The following RNF43 variants were observed in gnomAD, a reference collection of about 807,000 sequenced individuals.
RNF43 encodes the protein ring finger protein 43.
RNF43 carries 37 observed loss-of-function variants against 78.4 expected under a neutral mutation model. The observed-to-expected ratio is 0.47, with a 90% CI of 0.36 to 0.62. The LOEUF (loss-of-function observed/expected upper bound fraction) is 0.62. RNF43 is among the 20% of genes least tolerant of loss of function. The pLI, the probability that RNF43 is intolerant of heterozygous loss-of-function variation, is 0.00. For missense variants in RNF43, 774 were observed against 1,007.9 expected (o/e 0.77, Z 3.14); for synonymous variants, 347 against 395.0 (o/e 0.88, Z 1.44).
At chr17:58,381,010 G>A (rs1973304213) in intron 2 of RNF43, among the ~76,000 whole-genome samples, 1 of 152,236 alleles carries the variant, frequency 6.6e-6, no homozygotes, top group African/African-American at 2.4e-5. Flanking sequence ...GGGATGGAAT[G>A]AAGCTATGAA....
intron 2 of RNF43, among the ~76,000 whole-genome samples, chr17:58,376,226 AG>A (rs1377876565): frequency 1.3e-5 from 2 of 152,240 alleles, no homozygotes; most frequent in East Asian, 3.8e-4. Flanking sequence ...TGTGGTGGCC[AG>A]CATGGATGAA....
At position 58,354,606 on chromosome 17, in the gene RNF43, TG is replaced by T. The variant is rs1477266815; in HGVS notation, c.*336del. The T allele has an allele frequency of 7.1e-6, 3 of 420,710 alleles. No homozygotes were observed. Among genetic ancestry groups the T allele is most frequent in the Non-Finnish European group, 1.3e-5 (3 of 222,880 alleles). 26.1% of individuals were successfully genotyped at this position (420,710 alleles called of 1,614,324 possible). A position where few individuals can be genotyped will look rare whatever the true frequency, so the allele number is the denominator to read the frequency against. ...GGGGTTGGAGAAGGAGCAGCACCTTTGTAACACCTGGCTACCCATAGCTAGC... is the reference window on the plus strand; with the variant it reads ...GGGGTTGGAGAAGGAGCAGCACCTTTTAACACCTGGCTACCCATAGCTAGC... On this transcript the variant is annotated 3_prime_UTR_variant, in exon 10 of 10. Transcript: ENST00000407977.
chr17:58,371,474 T>C (rs1351806894), intron 2 of RNF43, among the ~76,000 whole-genome samples: 3 of 152,242 alleles, frequency 2.0e-5, no homozygotes, highest in African/African-American at 7.2e-5. Flanking sequence ...AGAATGCCCA[T>C]GGGCAGTGCT....
Position 58,354,416 on chromosome 17 carries a change from GA to G in RNF43, c.*526del. On this transcript the variant is annotated 3_prime_UTR_variant, in exon 10 of 10. Transcript: ENST00000407977. ...GCTACTGGTCCTTTTGGCAAAAAAG[GA>G]AAATGATAGAGCCAGGGTTGCCCCT... 4.3e-6 allele frequency: 1 copy of G among 232,776 alleles called. No homozygotes were observed. 14.4% of individuals were successfully genotyped at this position (232,776 alleles called of 1,614,324 possible). A position where few individuals can be genotyped will look rare whatever the true frequency, so the allele number is the denominator to read the frequency against.
At chr17:58,389,510 A>C (rs1262303226) in intron 2 of RNF43, among the ~76,000 whole-genome samples, 1 of 152,216 alleles carries the variant, frequency 6.6e-6, no homozygotes, top group East Asian at 1.9e-4. Flanking sequence ...CTAACCGTTG[A>C]TCAACAGGGA....
At position 58,358,095 on chromosome 17, in the gene RNF43, G is replaced by A. The variant is rs756000629; in HGVS notation, c.1681C>T (p.Arg561Trp). Residue 561 changes from arginine to tryptophan, a missense_variant, in exon 9 of 10, where the codon CGG becomes TGG. Coordinates refer to ENST00000407977, the MANE Select transcript of RNF43 (RefSeq NM_017763.6). This position sits in a 1 kb window ranked among gnomAD's most constrained non-coding sequence, Gnocchi z 6.2. ...GGCTTCCTGCCATGCCACTGGAACC[G>A]CTTTTTGTAGTGGTGGTGCCGGTGG... ...HRHRHHHYKK[R>W]FQWHGRKPGP... The A allele has an allele frequency of 5.6e-6, 9 of 1,609,982 alleles. No homozygotes were observed. Among genetic ancestry groups the A allele is most frequent in the Admixed American group, 3.4e-5 (2 of 59,376 alleles).
chr17:58,388,844 G>A (rs150369862), intron 2 of RNF43, among the ~76,000 whole-genome samples: 9 of 152,314 alleles, frequency 5.9e-5, no homozygotes, highest in Admixed American at 4.6e-4. Context: ...CAGGAGCCAG[G>A]TGAGAGAAAA....
chr17:58,364,662 C>T (rs957588218), intron 3 of RNF43, among the ~76,000 whole-genome samples: 1 of 152,204 alleles, frequency 6.6e-6, no homozygotes, highest in Non-Finnish European at 1.5e-5. Flanking sequence ...TGGCATCAGG[C>T]TGTGATTTTA....
At chr17:58,380,610 C>T (rs1186841554) in intron 2 of RNF43, among the ~76,000 whole-genome samples, 1 of 152,126 alleles carries the variant, frequency 6.6e-6, no homozygotes, top group Non-Finnish European at 1.5e-5. Context: ...GCTTAAAAGG[C>T]CAAAGACTAA....
Position 58,357,235 on chromosome 17 carries a change from C to T in RNF43, c.2308+233G>A, listed in dbSNP as rs749341878. 8.4e-6 allele frequency: 6 copies of T among 716,844 alleles called. No individual in the cohort carries two copies. In the Admixed American group the frequency reaches 1.2e-4, roughly 14 times the overall value. 44.4% of individuals were successfully genotyped at this position (716,844 alleles called of 1,614,324 possible). ...GATGCCTCAGCCACACCAGCACCTC[C>T]CTGGGACCTCCCTGTGATCTGCCAA... On this transcript the variant is annotated intron_variant, in intron 9 of 9. Transcript: ENST00000407977. This position sits in a 1 kb window ranked among gnomAD's most constrained non-coding sequence, Gnocchi z 4.5.
chr17:58,413,739 A>T (rs181643210), intron 2 of RNF43, among the ~76,000 whole-genome samples: 29 of 152,346 alleles, frequency 1.9e-4, no homozygotes, highest in African/African-American at 7.0e-4. Flanking sequence ...ATGAAAACAC[A>T]AACTTTATGT....
intron 2 of RNF43, among the ~76,000 whole-genome samples, chr17:58,409,979 A>G (rs1267615876): frequency 6.6e-6 from 1 of 152,150 alleles, no homozygotes; most frequent in Non-Finnish European, 1.5e-5. Context: ...CTTTACTATA[A>G]TACAAAACCC....
chr17:58,414,308 A>C (rs916163075), intron 2 of RNF43, among the ~76,000 whole-genome samples: 6 of 152,312 alleles, frequency 3.9e-5, no homozygotes, highest in Middle Eastern at 3.4e-3. Context: ...TCATACAATA[A>C]ATTGGTTCTG....
intron 2 of RNF43, among the ~76,000 whole-genome samples, chr17:58,393,483 G>A (rs1973603458): frequency 1.3e-5 from 2 of 152,076 alleles, no homozygotes. Flanking sequence ...CACAGTATAT[G>A]ATACACATAA....
In RNF43 at chr17:58,357,245, C is replaced by T; in HGVS notation, c.2308+223G>A. The stretch of plus-strand genomic sequence containing the variant: ...CCACACCAGCACCTCCCTGGGACCT[C>T]CCTGTGATCTGCCAACTAAAGGGGT... On this transcript the variant is annotated intron_variant, in intron 9 of 9. Coordinates refer to ENST00000407977, the MANE Select transcript of RNF43 (RefSeq NM_017763.6). This position sits in a 1 kb window ranked among gnomAD's most constrained non-coding sequence, Gnocchi z 4.5. 1 of 725,604 alleles carries T rather than the reference C, an allele frequency of 1.4e-6. No individual in the cohort carries two copies. Among genetic ancestry groups the T allele is most frequent in the Non-Finnish European group, 2.5e-6 (1 of 405,408 alleles). The allele number at this position is 725,604 out of a possible 1,614,324, so 44.9% of individuals were successfully genotyped here. A position where few individuals can be genotyped will look rare whatever the true frequency, so the allele number is the denominator to read the frequency against.
At chr17:58,356,907 TTTTTG>T in intron 9 of RNF43, 3 of 216,242 alleles carry the variant, frequency 1.4e-5, no homozygotes, top group Non-Finnish European at 9.0e-6. Context: ...TTTTTTTTTT[TTTTTG>T]AGATGGAGTC....
At chr17:58,385,053 C>T in intron 2 of RNF43, among the ~76,000 whole-genome samples, 1 of 152,202 alleles carries the variant, frequency 6.6e-6, no homozygotes, top group Admixed American at 6.5e-5. Flanking sequence ...CTTCTTGACT[C>T]TTCACGTGTT....
At chr17:58,399,987 T>C (rs577805448) in intron 2 of RNF43, among the ~76,000 whole-genome samples, 4 of 152,150 alleles carry the variant, frequency 2.6e-5, no homozygotes, top group Admixed American at 6.5e-5. Flanking sequence ...AAAGGGAAGA[T>C]GGAAGAGTGA....
At chr17:58,370,683 T>C (rs1973073953) in intron 3 of RNF43, among the ~76,000 whole-genome samples, 1 of 151,942 alleles carries the variant, frequency 6.6e-6, no homozygotes, top group Non-Finnish European at 1.5e-5. Context: ...GGAGGTGGGA[T>C]GGGGAGCATG....
Sources: gnomAD v4.1 joint callset for allele counts (sites outside exome capture counted in the v4.1 genomes callset) on GRCh38, gnomAD v4.1.1 for gene constraint, Gnocchi (gnomAD v3.1) non-coding constraint, MANE v1.5 for transcripts, NCBI Gene and HGNC (gene_info 2026-07-23, HGNC 2026-07-21) for gene names.